VPS50: variants seen among roughly 807,000 people sequenced by gnomAD.
VPS50 encodes the protein syndetin.
Under a neutral mutation model 139.7 loss-of-function variants are expected in VPS50, and 70 were observed. That is an observed-to-expected ratio of 0.50 (90% confidence interval 0.41 to 0.61). VPS50 has a LOEUF of 0.61. Ranked by LOEUF, VPS50 falls within the 20% of genes least tolerant of loss-of-function variation. The pLI is 0.00. For synonymous variants in VPS50, 365 were observed against 376.7 expected (o/e 0.97, Z 0.36); for missense variants, 921 against 1,133.7 (o/e 0.81, Z 2.69).
intron 16 of VPS50, among the ~76,000 whole-genome samples, chr7:93,299,015 GT>G (rs1179833954): frequency 6.6e-6 from 1 of 152,014 alleles, no homozygotes. Flanking sequence ...ATCTTGACCC[GT>G]TTTTTTGCAG....
At chr7:93,312,325 G>T (rs1562881487) in intron 20 of VPS50, among the ~76,000 whole-genome samples, 1 of 152,178 alleles carries the variant, frequency 6.6e-6, no homozygotes, top group Non-Finnish European at 1.5e-5. Flanking sequence ...TCGAGAATTT[G>T]TAGAATCAGA....
At chr7:93,341,852 A>G (rs1278037746) in intron 23 of VPS50, among the ~76,000 whole-genome samples, 1 of 152,236 alleles carries the variant, frequency 6.6e-6, no homozygotes, top group Non-Finnish European at 1.5e-5. Flanking sequence ...AAAGCATTAT[A>G]CTATGCTTCA....
chr7:93,271,422 A>C (rs1323638671), intron 10 of VPS50, among the ~76,000 whole-genome samples, 160 bp downstream of exon 10: 1 of 151,810 alleles, frequency 6.6e-6, no homozygotes, highest in African/African-American at 2.4e-5. Context: ...TGGTCAAGTT[A>C]GTGTAAAAAT....
At position 93,334,017 on chromosome 7, in the gene VPS50, G is replaced by A. The variant is rs758115285; in HGVS notation, c.1978-100G>A. 73 of 748,232 alleles carry A rather than the reference G, an allele frequency of 9.8e-5. No homozygotes were observed. The Middle Eastern group carries it at 2.1e-3, about 22-fold the overall frequency. 46.3% of individuals were successfully genotyped at this position (748,232 alleles called of 1,614,324 possible). A position where few individuals can be genotyped will look rare whatever the true frequency, so the allele number is the denominator to read the frequency against. ...AATTTGGAAACCCTCTGAAGGCTAA[G>A]TATCTGAGTGAAAACTCATCAAATA... On this transcript the variant is annotated intron_variant, in intron 21 of 27. Transcript: ENST00000305866.
rs1210427654 is a variant in VPS50, at chr7:93,359,200, CTTTCT to C, written c.*768_*772del. The C allele has an allele frequency of 6.6e-6, 1 of 152,048 alleles. No individual in the cohort carries two copies. Among genetic ancestry groups the C allele is most frequent in the African/African-American group, 2.4e-5 (1 of 41,400 alleles). The allele number at this position is 152,048 out of a possible 1,614,324, so 9.4% of individuals were successfully genotyped here. ...AGCATACAGAATCATGATTATGAGA[CTTTCT>C]TTTATCTTTCTTTATAAAAATATGT... On this transcript the variant is annotated 3_prime_UTR_variant, in exon 28 of 28. Transcript: ENST00000305866.
rs370037723 is a variant in VPS50 at position 93,350,115 on chromosome 7, A to T, written c.2463+82A>T. ...TTTATTGCAGTGGCTCTAAAATAGTAAGATTATAGTTATTACCACATTTCT... is the reference window on the plus strand; with the variant it reads ...TTTATTGCAGTGGCTCTAAAATAGTTAGATTATAGTTATTACCACATTTCT... On this transcript the variant is annotated intron_variant, in intron 25 of 27. Transcript: ENST00000305866. The T allele has an allele frequency of 7.8e-6, 7 of 901,868 alleles. No individual in the cohort carries two copies. The East Asian group carries it at 1.8e-4, about 23-fold the overall frequency. The allele number at this position is 901,868 out of a possible 1,614,324, so 55.9% of individuals were successfully genotyped here.
chr7:93,354,277 C>A (rs1236879378), intron 26 of VPS50, among the ~76,000 whole-genome samples: 1 of 146,152 alleles, frequency 6.8e-6, no homozygotes, highest in Non-Finnish European at 1.5e-5. Flanking sequence ...CCCCTGATTT[C>A]TTTTTTTCTT....
At chr7:93,253,818 CAATT>C (rs1291404612) in intron 3 of VPS50, 38 bp from the exon 4 acceptor site, 2 of 1,151,986 alleles carry the variant, frequency 1.7e-6, no homozygotes, top group Non-Finnish European at 2.6e-6. Context: ...CCAAATTAAA[CAATT>C]TATTTTTTCC....
intron 27 of VPS50, 34 bp from the exon 28 acceptor site, chr7:93,358,283 G>T: frequency 1.2e-6 from 2 of 1,606,926 alleles, no homozygotes; most frequent in South Asian, 1.1e-5. Flanking sequence ...ATTCCTTTTA[G>T]GGTACTAAAT....
At chr7:93,293,737 C>T (rs926515352) in intron 13 of VPS50, among the ~76,000 whole-genome samples, 13 of 152,106 alleles carry the variant, frequency 8.5e-5, no homozygotes, top group African/African-American at 2.4e-4. Flanking sequence ...AGCTATAGTT[C>T]AGGTGCACTG....
intron 23 of VPS50, among the ~76,000 whole-genome samples, chr7:93,347,883 G>A (rs1001490554): frequency 2.0e-5 from 3 of 150,252 alleles, no homozygotes; most frequent in Admixed American, 6.6e-5. Context: ...GCTAGATGAC[G>A]AGTTAATGGG....
intron 20 of VPS50, among the ~76,000 whole-genome samples, chr7:93,321,888 T>C (rs1797623941): frequency 6.6e-6 from 1 of 152,226 alleles, no homozygotes; most frequent in South Asian, 2.1e-4. Context: ...TTCTTCACAG[T>C]GTTGCATTAT....
At chr7:93,326,457 A>T (rs1481461908) in intron 21 of VPS50, among the ~76,000 whole-genome samples, 1 of 147,550 alleles carries the variant, frequency 6.8e-6, no homozygotes, top group African/African-American at 2.5e-5. Flanking sequence ...TAATAATAAA[A>T]AAAAAATAAA....
At chr7:93,287,750 T>C (rs149474564) in intron 12 of VPS50, among the ~76,000 whole-genome samples, 36 of 152,268 alleles carry the variant, frequency 2.4e-4, no homozygotes, top group African/African-American at 7.2e-4. Flanking sequence ...TTGGGTATGA[T>C]TGCTGAGTTG....
chr7:93,276,092 G>GT, intron 11 of VPS50, 73 bp from the exon 12 acceptor site: 1 of 1,362,860 alleles, frequency 7.3e-7, no homozygotes, highest in South Asian at 1.6e-5. Flanking sequence ...GTTTCCCTGG[G>GT]TTTTTTCAAT....
chr7:93,257,640 T>C (rs777682395), intron 6 of VPS50, 176 bp downstream of exon 6: 64 of 463,550 alleles, frequency 1.4e-4, no homozygotes, highest in Non-Finnish European at 2.1e-4. Context: ...GTGGGAAATA[T>C]CTCTAAGTGT....
chr7:93,342,065 C>A (rs985603811), intron 23 of VPS50, among the ~76,000 whole-genome samples: 1 of 152,176 alleles, frequency 6.6e-6, no homozygotes, highest in Admixed American at 6.5e-5. Context: ...ATCTGAGGTA[C>A]CGGGTTCATC....
At chr7:93,307,488 GT>G (rs1053005453) in intron 18 of VPS50, among the ~76,000 whole-genome samples, 4 of 151,882 alleles carry the variant, frequency 2.6e-5, no homozygotes, top group Non-Finnish European at 5.9e-5. Flanking sequence ...AGCATGCCTT[GT>G]TTGTATTCAG....
chr7:93,317,012 A>G (rs1200316610), intron 20 of VPS50, among the ~76,000 whole-genome samples: 1 of 152,214 alleles, frequency 6.6e-6, no homozygotes, highest in Non-Finnish European at 1.5e-5. Context: ...AGGAAACAGC[A>G]GTGGATATGG....
Sources: allele counts gnomAD v4.1 joint callset (sites outside exome capture counted in the v4.1 genomes callset), GRCh38; gene constraint gnomAD v4.1.1; transcripts MANE v1.5; gene names NCBI Gene and HGNC (gene_info 2026-07-23, HGNC 2026-07-21).